The following AAK1 variants were observed in gnomAD, a reference collection of about 807,000 sequenced individuals.
AAK1 encodes the protein AP2 associated kinase 1, also known as AP2-associated protein kinase 1.
AAK1 carries 37 observed loss-of-function variants against 116.0 expected under a neutral mutation model. The observed-to-expected ratio is 0.32, with a 90% CI of 0.25 to 0.42. The LOEUF is 0.42. AAK1 is among the 10% of genes least tolerant of loss of function. The pLI, the probability that AAK1 is intolerant of heterozygous loss-of-function variation, is 1.00. For synonymous variants in AAK1, 458 were observed against 439.9 expected (o/e 1.04, Z -0.51); for missense variants, 919 against 1,170.6 (o/e 0.79, Z 3.14).
intron 5 of AAK1, among the ~76,000 whole-genome samples, chr2:69,537,933 G>GA (rs1670543804): frequency 6.6e-6 from 1 of 152,224 alleles, no homozygotes; most frequent in Non-Finnish European, 1.5e-5. Flanking sequence ...AGGTAAAGGA[G>GA]AAAGAGTCTC....
chr2:69,576,577 C>A (rs1672325421), intron 2 of AAK1, among the ~76,000 whole-genome samples: 1 of 152,156 alleles, frequency 6.6e-6, no homozygotes, highest in African/African-American at 2.4e-5. Context: ...CTCCCACTTA[C>A]AAGTGAGAAC....
At chr2:69,483,170 G>T (rs1675161043) in intron 17 of AAK1, among the ~76,000 whole-genome samples, 2 of 152,166 alleles carry the variant, frequency 1.3e-5, no homozygotes. Context: ...CCACTGAAAT[G>T]ATACAGAACA....
intron 16 of AAK1, among the ~76,000 whole-genome samples, chr2:69,496,588 T>G (rs1281752523): frequency 6.6e-6 from 1 of 152,148 alleles, no homozygotes; most frequent in Non-Finnish European, 1.5e-5. Flanking sequence ...CAACATATTA[T>G]GAGATGCAAT....
In AAK1 at chr2:69,507,430, G is replaced by A; in HGVS notation, c.2155C>T (p.Leu719Phe). 1 of 1,612,412 alleles carries A rather than the reference G, an allele frequency of 6.2e-7. No homozygotes were observed. Among genetic ancestry groups the A allele is most frequent in the Non-Finnish European group, 8.5e-7 (1 of 1,179,234 alleles). Residue 719 changes from leucine to phenylalanine, a missense_variant, in exon 15 of 22, where the codon CTT becomes TTT. Physicochemically the swap from Leu to Phe is conservative, Grantham distance 22 (BLOSUM62 0). Around this residue, in one of 4 missense-constraint regions of AAK1, gnomAD observed 125 missense variants for 184.1 expected, o/e 0.68. Transcript: ENST00000409085. ...EELLNKDFAKLGEGKHPEKLG... is the reference protein window; with the variant it reads ...EELLNKDFAKFGEGKHPEKLG... The stretch of plus-strand genomic sequence containing the variant: ...GACACAGCTTACTCACCTTCCCCAA[G>A]CTTGGCAAAGTCCTTGTTTAGCAGT...
intron 2 of AAK1, among the ~76,000 whole-genome samples, chr2:69,609,720 T>C (rs1449708763): frequency 6.6e-6 from 1 of 150,666 alleles, no homozygotes; most frequent in African/African-American, 2.4e-5. Context: ...ACACGAAATC[T>C]CAAGGGACTC....
chr2:69,532,641 T>TGACAATAGTCAGATAAAGGACAATA (rs1670304724), intron 5 of AAK1, among the ~76,000 whole-genome samples: 1 of 152,232 alleles, frequency 6.6e-6, no homozygotes, highest in Admixed American at 6.5e-5. Flanking sequence ...CTTTCCCTAT[T>TGACAATAGTCAGATAAAGGACAATA]GTCCTTCAGT....
chr2:69,553,910 T>C (rs1427098869), intron 3 of AAK1, among the ~76,000 whole-genome samples: 1 of 147,638 alleles, frequency 6.8e-6, no homozygotes, highest in Non-Finnish European at 1.5e-5. Flanking sequence ...ACCTTGTCTC[T>C]AAGGAAAAAA....
chr2:69,579,253 C>T lies in AAK1; in HGVS notation c.164-22275G>A, dbSNP rs138860684. Among the ~76,000 whole-genome samples the T allele has an allele frequency of 3.0e-4, 46 of 152,262 alleles. No individual in the cohort carries two copies. The East Asian group carries it at 8.5e-3, about 28-fold the overall frequency. The stretch of plus-strand genomic sequence containing the variant: ...TTTCAGATGGCACCTTGTGTGACAG[C>T]TACTGAGCACTTTTCACTGGTGACA... On this transcript the variant is annotated intron_variant, in intron 2 of 21. Coordinates refer to ENST00000409085, the MANE Select transcript of AAK1 (RefSeq NM_014911.5).
At chr2:69,612,427 A>T (rs1489039200) in intron 2 of AAK1, among the ~76,000 whole-genome samples, 4 of 152,240 alleles carry the variant, frequency 2.6e-5, no homozygotes, top group African/African-American at 9.6e-5. Flanking sequence ...GGAGATAAAT[A>T]AGATAATTCC....
intron 16 of AAK1, among the ~76,000 whole-genome samples, chr2:69,503,553 G>T (rs1342959656): frequency 1.3e-5 from 2 of 152,034 alleles, no homozygotes; most frequent in Non-Finnish European, 2.9e-5. Flanking sequence ...AGGATCTCAC[G>T]CTGTTGCCCA....
chr2:69,598,353 C>T (rs750607003), intron 2 of AAK1: 6 of 331,462 alleles, frequency 1.8e-5, no homozygotes, highest in Non-Finnish European at 3.5e-5. Context: ...TCCCTCCATA[C>T]TGCAGTGTGT....
chr2:69,585,354 G>A (rs367543492), intron 2 of AAK1, among the ~76,000 whole-genome samples: 26 of 152,072 alleles, frequency 1.7e-4, no homozygotes, highest in African/African-American at 5.3e-4. Context: ...GAGCCACTGC[G>A]CCCAGCCAGG....
chr2:69,603,321 T>C (rs1020160638), intron 2 of AAK1, among the ~76,000 whole-genome samples: 2 of 152,142 alleles, frequency 1.3e-5, no homozygotes, highest in Admixed American at 1.3e-4. Context: ...CTTTCAAGCT[T>C]GTGAAAGCAT....
chr2:69,465,999 A>G lies in AAK1; in HGVS notation c.*9870T>C. On this transcript the variant is annotated 3_prime_UTR_variant, in exon 22 of 22. Transcript: ENST00000409085. The stretch of plus-strand genomic sequence containing the variant: ...CTTCTTAGTGAAAGGAGCTCTCAAA[A>G]ACACGTCTGACTCCTCTGGCTGGGA... 7.7e-7 allele frequency: 1 copy of G among 1,290,796 alleles called. No homozygotes were observed. The highest frequency in any genetic ancestry group is 2.3e-5 in the Admixed American group (1 of 43,554). The allele number at this position is 1,290,796 out of a possible 1,614,324, so 80.0% of individuals were successfully genotyped here.
intron 2 of AAK1, among the ~76,000 whole-genome samples, chr2:69,612,182 G>A (rs993758270): frequency 6.6e-6 from 1 of 152,074 alleles, no homozygotes; most frequent in Non-Finnish European, 1.5e-5. Flanking sequence ...ATTAATATAT[G>A]GATTAAAGTA....
At chr2:69,637,628 G>A (rs1361201350) in intron 2 of AAK1, among the ~76,000 whole-genome samples, 3 of 152,056 alleles carry the variant, frequency 2.0e-5, no homozygotes, top group African/African-American at 4.8e-5. Flanking sequence ...TTTCAGATGC[G>A]GATGTCACAG....
At chr2:69,489,928 T>C (rs904863847) in intron 17 of AAK1, among the ~76,000 whole-genome samples, 4 of 152,094 alleles carry the variant, frequency 2.6e-5, no homozygotes, top group African/African-American at 9.7e-5. Flanking sequence ...CTTCTCAGTA[T>C]CACGAGACAG....
chr2:69,575,718 T>C (rs1463837290), intron 2 of AAK1, among the ~76,000 whole-genome samples: 2 of 152,164 alleles, frequency 1.3e-5, no homozygotes, highest in African/African-American at 2.4e-5. Context: ...TCCACCCGCC[T>C]TGGCCACCCA....
intron 2 of AAK1, among the ~76,000 whole-genome samples, chr2:69,615,972 A>T (rs1376084239): frequency 6.6e-6 from 1 of 152,240 alleles, no homozygotes; most frequent in Non-Finnish European, 1.5e-5. Context: ...ATGGTGGCTC[A>T]TGCCTGTAAT....
Sources: gnomAD v4.1 joint callset for allele counts (sites outside exome capture counted in the v4.1 genomes callset) on GRCh38, gnomAD v4.1.1 for gene constraint, gnomAD v4.1.1 regional missense constraint, MANE v1.5 for transcripts, NCBI Gene and HGNC (gene_info 2026-07-23, HGNC 2026-07-21) for gene names.